The following CEP170 variants were observed in gnomAD, a reference collection of about 807,000 sequenced individuals.
CEP170 encodes centrosomal protein 170.
CEP170 carries 21 observed loss-of-function variants against 151.9 expected under a neutral mutation model. The observed-to-expected ratio is 0.14, with a 90% confidence interval of 0.10 to 0.20. CEP170 has a LOEUF of 0.20. CEP170 is among the 10% of genes least tolerant of loss of function. The probability of loss-of-function intolerance (pLI) is 1.00; values close to 1 mark genes in which losing one functional copy is unlikely to be tolerated. For missense variants in CEP170, 964 were observed against 1,892.9 expected (o/e 0.51, Z 9.11); for synonymous variants, 356 against 648.8 (o/e 0.55, Z 6.86).
rs1342212610 is a variant in CEP170, at chr1:243,186,032, T to C, written c.1313A>G (p.His438Arg). 5.0e-6 allele frequency: 8 copies of C among 1,613,774 alleles called. No individual in the cohort carries two copies. The highest frequency in any genetic ancestry group is 1.7e-4 in the Middle Eastern group (1 of 6,056). Residue 438 changes from histidine to arginine, a missense_variant, in exon 10 of 20, where the codon CAT becomes CGT. Physicochemically the swap from His to Arg is conservative, Grantham distance 29 (BLOSUM62 0). Transcript: ENST00000366542. ...AHHRGGHGVP[H>R]GKLLKQKSEE... is the part of the protein sequence containing the mutation. ...TGATTTCTGTTTTAACAATTTCCCATGTGGAACACCATGCCCCCCTCTGTG... is the reference window on the plus strand; with the variant it reads ...TGATTTCTGTTTTAACAATTTCCCACGTGGAACACCATGCCCCCCTCTGTG...
chr1:243,182,610 C>T (rs2059692096), intron 10 of CEP170, among the ~76,000 whole-genome samples: 3 of 152,292 alleles, frequency 2.0e-5, no homozygotes, highest in Non-Finnish European at 2.9e-5. Flanking sequence ...CATTAAAGTC[C>T]TCAGTATGAT....
chr1:243,144,043 C>T (rs906835806), intron 14 of CEP170, among the ~76,000 whole-genome samples: 6 of 152,264 alleles, frequency 3.9e-5, no homozygotes, highest in Admixed American at 3.3e-4. Context: ...TATTTATCAA[C>T]ACAAAGAGGC....
In CEP170 at chr1:243,222,172, A is replaced by G. The variant is rs186413563; in HGVS notation, c.106-359T>C. Among the ~76,000 whole-genome samples the G allele has an allele frequency of 7.2e-3, 1,094 of 152,334 alleles. 7 individuals carry two copies. The highest frequency in any genetic ancestry group is 0.011 in the Non-Finnish European group (744 of 68,014). ...CCATGTTTTACATATCTTATTGTAAAAAACATTTACCTTGTAGGATTTTCT... is the reference window on the plus strand; with the variant it reads ...CCATGTTTTACATATCTTATTGTAAGAAACATTTACCTTGTAGGATTTTCT... On this transcript the variant is annotated intron_variant, in intron 2 of 19. Transcript: ENST00000366542.
At chr1:243,248,380 T>C (rs1249520043) in intron 1 of CEP170, among the ~76,000 whole-genome samples, 3 of 152,200 alleles carry the variant, frequency 2.0e-5, no homozygotes, top group Non-Finnish European at 4.4e-5. Context: ...CAGCTTTCCA[T>C]GTGGAAAGTA....
At chr1:243,164,057 C>T (rs190562994) in intron 13 of CEP170, among the ~76,000 whole-genome samples, 22 of 152,208 alleles carry the variant, frequency 1.4e-4, no homozygotes, top group African/African-American at 3.4e-4. Flanking sequence ...CACTATTTTG[C>T]GCCAGGACTC....
chr1:243,170,202 A>G (rs2058730062), intron 11 of CEP170, among the ~76,000 whole-genome samples: 1 of 145,470 alleles, frequency 6.9e-6, no homozygotes, highest in Middle Eastern at 3.5e-3. Flanking sequence ...CCTGGCCAAC[A>G]TGGTGAAACC....
At chr1:243,223,842 T>C (rs989502770) in intron 2 of CEP170, among the ~76,000 whole-genome samples, 24 of 152,240 alleles carry the variant, frequency 1.6e-4, no homozygotes, top group Non-Finnish European at 8.8e-5. Context: ...GTAACTATTT[T>C]TTTAAAAAAG....
At chr1:243,210,051 T>G (rs2061679500) in intron 4 of CEP170, among the ~76,000 whole-genome samples, 1 of 152,182 alleles carries the variant, frequency 6.6e-6, no homozygotes, top group Admixed American at 6.5e-5. Flanking sequence ...ATCCAGACAG[T>G]AGTTATGGCT....
At chr1:243,163,562 A>C (rs1191434219) in intron 13 of CEP170, among the ~76,000 whole-genome samples, 1 of 152,236 alleles carries the variant, frequency 6.6e-6, no homozygotes, top group East Asian at 1.9e-4. Context: ...ATTACACCTA[A>C]TTACTAGAGT....
At chr1:243,174,447 T>C (rs1034032128) in intron 10 of CEP170, among the ~76,000 whole-genome samples, 1 of 151,834 alleles carries the variant, frequency 6.6e-6, no homozygotes, top group Non-Finnish European at 1.5e-5. Context: ...CTAAACTATT[T>C]TCTAGACATA....
chr1:243,155,639 TAAAA>T (rs2057478293), intron 14 of CEP170, among the ~76,000 whole-genome samples: 1 of 152,128 alleles, frequency 6.6e-6, no homozygotes, highest in African/African-American at 2.4e-5. Context: ...AGTTATTAAT[TAAAA>T]ATCATATCTG....
chr1:243,240,398 C>T (rs1417024557), intron 1 of CEP170, among the ~76,000 whole-genome samples: 3 of 152,326 alleles, frequency 2.0e-5, no homozygotes, highest in East Asian at 3.9e-4. Context: ...TTCATCTCCT[C>T]ACTTTGAAAG....
intron 1 of CEP170, among the ~76,000 whole-genome samples, chr1:243,243,152 A>T (rs761592849): frequency 6.6e-6 from 1 of 151,972 alleles, no homozygotes; most frequent in East Asian, 1.9e-4. Context: ...TGAGCCCAGG[A>T]GTTTGGGGCT....
At chr1:243,128,572 A>ATTT in intron 18 of CEP170, 2 of 284,726 alleles carry the variant, frequency 7.0e-6, no homozygotes, top group South Asian at 6.0e-5. Flanking sequence ...TTAAGCAAAG[A>ATTT]TTTTTTTTTT....
chr1:243,186,562 C>G, intron 8 of CEP170, 140 bp from the exon 9 acceptor site: 1 of 839,238 alleles, frequency 1.2e-6, no homozygotes. Context: ...GTAACAGGCT[C>G]GGCAAACTTG....
intron 14 of CEP170, among the ~76,000 whole-genome samples, chr1:243,155,987 A>G (rs2057512719): frequency 6.6e-6 from 1 of 152,028 alleles, no homozygotes; most frequent in South Asian, 2.1e-4. Context: ...GGAGGGGGGG[A>G]GACAGAAAAG....
At chr1:243,174,841 C>T (rs2059121112) in intron 10 of CEP170, among the ~76,000 whole-genome samples, 1 of 152,166 alleles carries the variant, frequency 6.6e-6, no homozygotes, top group African/African-American at 2.4e-5. Flanking sequence ...CCTTTAACCC[C>T]CACTTGTAAA....
chr1:243,176,434 G>A (rs551536863), intron 10 of CEP170, among the ~76,000 whole-genome samples: 1 of 150,644 alleles, frequency 6.6e-6, no homozygotes, highest in East Asian at 2.0e-4. Flanking sequence ...CTGGGCGTAG[G>A]AAGTGGCTTT....
At chr1:243,225,909 C>T (rs2063181674) in intron 1 of CEP170, among the ~76,000 whole-genome samples, 1 of 151,060 alleles carries the variant, frequency 6.6e-6, no homozygotes, top group Non-Finnish European at 1.5e-5. Flanking sequence ...GTTCTTGGGA[C>T]CCTTTTATAC....
Sources: allele counts gnomAD v4.1 joint callset (sites outside exome capture counted in the v4.1 genomes callset), GRCh38; gene constraint gnomAD v4.1.1; transcripts MANE v1.5; gene names NCBI Gene and HGNC (gene_info 2026-07-23, HGNC 2026-07-21).